The following SRRM4 variants were observed in gnomAD, a reference collection of about 807,000 sequenced individuals.
The protein encoded by SRRM4 is serine/arginine repetitive matrix 4.
A neutral mutation model predicts 68.9 loss-of-function variants in SRRM4; 33 were observed. That is an observed-to-expected ratio of 0.48 (90% CI 0.36 to 0.64). The LOEUF is 0.64. SRRM4 is among the 30% of genes least tolerant of loss of function. SRRM4 has a pLI of 0.00. For missense variants in SRRM4, 817 were observed against 827.1 expected (o/e 0.99, Z 0.15); for synonymous variants, 318 against 318.8 (o/e 1.00, Z 0.03).
At chr12:119,061,763 G>T (rs1269152278) in intron 1 of SRRM4, among the ~76,000 whole-genome samples, 2 of 151,994 alleles carry the variant, frequency 1.3e-5, no homozygotes, top group Admixed American at 6.6e-5. Flanking sequence ...GACATATGGG[G>T]CTGGATAATT....
At chr12:119,009,901 G>T (rs889061141) in intron 1 of SRRM4, among the ~76,000 whole-genome samples, 1 of 152,128 alleles carries the variant, frequency 6.6e-6, no homozygotes, top group Non-Finnish European at 1.5e-5. Context: ...TTCGACTCCT[G>T]CCAGAACAAT....
intron 1 of SRRM4, among the ~76,000 whole-genome samples, chr12:119,093,708 A>G (rs141002283): frequency 2.6e-5 from 4 of 152,228 alleles, no homozygotes; most frequent in Non-Finnish European, 5.9e-5. Flanking sequence ...GGTCCCATGC[A>G]TTTTTCCCAG....
At chr12:119,078,090 C>T (rs896858048) in intron 1 of SRRM4, among the ~76,000 whole-genome samples, 1 of 152,198 alleles carries the variant, frequency 6.6e-6, no homozygotes. Context: ...CCAAAGACAA[C>T]ATAAGCAGCT....
Position 119,160,665 on chromosome 12 carries a change from G to A in SRRM4, c.*3867G>A, listed in dbSNP as rs1020233316. ...GCTCCCTTTCCCTAGGGCAAAGTTCGACCTCTGTTAAGTGGAGGGATTTGT... is the reference window on the plus strand; with the variant it reads ...GCTCCCTTTCCCTAGGGCAAAGTTCAACCTCTGTTAAGTGGAGGGATTTGT... On this transcript the variant is annotated 3_prime_UTR_variant, in exon 13 of 13. Coordinates refer to ENST00000267260, the MANE Select transcript of SRRM4 (RefSeq NM_194286.4). The A allele has an allele frequency of 3.3e-5, 5 of 152,176 alleles. No individual in the cohort carries two copies. Among genetic ancestry groups the A allele is most frequent in the East Asian group, 1.9e-4 (1 of 5,200 alleles). The allele number at this position is 152,176 out of a possible 1,614,324, so 9.4% of individuals were successfully genotyped here.
intron 1 of SRRM4, among the ~76,000 whole-genome samples, chr12:119,101,214 C>T (rs941531142): frequency 1.3e-5 from 2 of 152,168 alleles, no homozygotes; most frequent in South Asian, 2.1e-4. Context: ...GGGATGTTCT[C>T]TGCGTGTCAC....
In SRRM4 at chr12:119,086,613, G is replaced by T. The variant is rs149199645; in HGVS notation, c.132-15623G>T. Among the ~76,000 whole-genome samples the T allele has an allele frequency of 1.3e-4, 20 of 152,334 alleles. No homozygotes were observed. The East Asian group carries it at 3.7e-3, about 28-fold the overall frequency. ...ATTCACAGAGGCAAGTGCAGTCTGG[G>T]CTTATGCAGAAGGATGCAGCAGGGC... On this transcript the variant is annotated intron_variant, in intron 1 of 12. Coordinates refer to ENST00000267260, the MANE Select transcript of SRRM4 (RefSeq NM_194286.4).
Position 119,160,390 on chromosome 12 carries a change from C to G in SRRM4, c.*3592C>G, listed in dbSNP as rs561599835. 6.6e-6 allele frequency: 1 copy of G among 152,050 alleles called. No individual in the cohort carries two copies. Among genetic ancestry groups the G allele is most frequent in the African/African-American group, 2.4e-5 (1 of 41,378 alleles). The allele number at this position is 152,050 out of a possible 1,614,324, so 9.4% of individuals were successfully genotyped here. On this transcript the variant is annotated 3_prime_UTR_variant, in exon 13 of 13. Transcript: ENST00000267260. ...TCCAAAAACAATGTGCTTGTTGAGGCACTGGTAACCCTGATTAACCAGAAC... is the reference window on the plus strand; with the variant it reads ...TCCAAAAACAATGTGCTTGTTGAGGGACTGGTAACCCTGATTAACCAGAAC...
chr12:119,031,725 T>C (rs148629477), intron 1 of SRRM4, among the ~76,000 whole-genome samples: 1 of 152,326 alleles, frequency 6.6e-6, no homozygotes, highest in East Asian at 1.9e-4. Context: ...ATCCTGTTTT[T>C]ATTTGCATTT....
intron 1 of SRRM4, among the ~76,000 whole-genome samples, chr12:119,053,432 G>A (rs1953757101): frequency 6.6e-6 from 1 of 152,228 alleles, no homozygotes; most frequent in East Asian, 1.9e-4. Context: ...TGAGGCTTAA[G>A]AAACATTCTA....
At chr12:119,013,306 G>A (rs921488830) in intron 1 of SRRM4, among the ~76,000 whole-genome samples, 1 of 152,124 alleles carries the variant, frequency 6.6e-6, no homozygotes, top group African/African-American at 2.4e-5. Flanking sequence ...TTAACCCAGT[G>A]CAACACAGCC....
chr12:119,120,169 A>ATC lies in SRRM4; in HGVS notation c.438-68_438-67dup, dbSNP rs376151689. 1.3e-4 allele frequency: 103 copies of ATC among 778,654 alleles called. No homozygotes were observed. In the Middle Eastern group the frequency reaches 3.6e-3, roughly 27 times the overall value. The allele number at this position is 778,654 out of a possible 1,614,324, so 48.2% of individuals were successfully genotyped here. ...TTTCTCTCCTTCTCTCCCTCTCTCCATCTCTCTCTCTCTCCCTCTCTTTCT... is the reference window on the plus strand; with the variant it reads ...TTTCTCTCCTTCTCTCCCTCTCTCCATCTCTCTCTCTCTCTCCCTCTCTTTCT... On this transcript the variant is annotated intron_variant, in intron 4 of 12. Coordinates refer to ENST00000267260, the MANE Select transcript of SRRM4 (RefSeq NM_194286.4).
intron 2 of SRRM4, 42 bp downstream of exon 2, chr12:119,102,424 A>G (rs1234966681): frequency 1.3e-6 from 2 of 1,542,544 alleles, no homozygotes; most frequent in South Asian, 1.2e-5. Flanking sequence ...ATACAGAAAT[A>G]AAGTCTGCCT....
intron 1 of SRRM4, among the ~76,000 whole-genome samples, chr12:119,014,216 T>C (rs909863721): frequency 6.6e-6 from 1 of 152,222 alleles, no homozygotes; most frequent in Non-Finnish European, 1.5e-5. Flanking sequence ...TTTTTTTAAT[T>C]TGTAAGAGCT....
rs150281194 is a variant in SRRM4 at position 119,054,318 on chromosome 12, G to A, written c.132-47918G>A. On this transcript the variant is annotated intron_variant, in intron 1 of 12. Coordinates refer to ENST00000267260, the MANE Select transcript of SRRM4 (RefSeq NM_194286.4). Reference sequence around the variant, plus strand: ...CACTTTTTGAGCACTCACTGTGCCAGATGCTGTTATAATCCTTAGATATGT... The same window carrying A: ...CACTTTTTGAGCACTCACTGTGCCAAATGCTGTTATAATCCTTAGATATGT... 6.4e-3 allele frequency among the ~76,000 whole-genome samples: 972 copies of A among 152,302 alleles called. 18 individuals carry two copies. The highest frequency in any genetic ancestry group is 0.022 in the African/African-American group (909 of 41,556).
intron 8 of SRRM4, among the ~76,000 whole-genome samples, chr12:119,134,700 G>A (rs533472360): frequency 2.1e-4 from 32 of 152,256 alleles, no homozygotes; most frequent in African/African-American, 7.7e-4. Flanking sequence ...CAGCATCAAA[G>A]CCAGCTTCCT....
rs745341087 is a variant in SRRM4, at chr12:118,988,469, A to G, written c.131+6456A>G. 6.6e-4 allele frequency among the ~76,000 whole-genome samples: 101 copies of G among 152,348 alleles called. 1 individual carries two copies. The highest frequency in any genetic ancestry group is 2.9e-5 in the Non-Finnish European group (2 of 68,036). On this transcript the variant is annotated intron_variant, in intron 1 of 12. Transcript: ENST00000267260. The stretch of plus-strand genomic sequence containing the variant: ...AAGGATGCAGTCTCTGGCGTGGGCT[A>G]TTAGGCTTCTTGTCCTTCATGGACC...
At chr12:118,984,726 G>A (rs1169891544) in intron 1 of SRRM4, among the ~76,000 whole-genome samples, 1 of 151,976 alleles carries the variant, frequency 6.6e-6, no homozygotes, top group Non-Finnish European at 1.5e-5. Context: ...CCCCTCTGTG[G>A]GGCATACTTG....
At chr12:119,144,047 G>A (rs996455603) in intron 8 of SRRM4, among the ~76,000 whole-genome samples, 3 of 152,062 alleles carry the variant, frequency 2.0e-5, no homozygotes, top group Non-Finnish European at 2.9e-5. Context: ...GCTTCTAAAC[G>A]CGTGCCCGCC....
chr12:119,076,101 C>T (rs1308668723), intron 1 of SRRM4, among the ~76,000 whole-genome samples: 1 of 151,634 alleles, frequency 6.6e-6, no homozygotes, highest in Non-Finnish European at 1.5e-5. Flanking sequence ...GTGACGATAA[C>T]AATGGTGATG....
Sources: allele counts gnomAD v4.1 joint callset (sites outside exome capture counted in the v4.1 genomes callset), GRCh38; gene constraint gnomAD v4.1.1; transcripts MANE v1.5; gene names NCBI Gene and HGNC (gene_info 2026-07-23, HGNC 2026-07-21).